GABRB3: variants seen among roughly 807,000 people sequenced by gnomAD.
GABRB3 encodes gamma-aminobutyric acid receptor subunit beta-3.
A neutral mutation model predicts 52.1 loss-of-function variants in GABRB3; 14 were observed. That is an observed-to-expected ratio of 0.27 (90% CI 0.18 to 0.42). The LOEUF (loss-of-function observed/expected upper bound fraction) is 0.42. Among genes scored for constraint, GABRB3 ranks in the 10% least tolerant of loss-of-function variants. The pLI, the probability that GABRB3 is intolerant of heterozygous loss-of-function variation, is 1.00. For synonymous variants in GABRB3, 260 were observed against 232.3 expected (o/e 1.12, Z -1.08); for missense variants, 307 against 609.1 (o/e 0.50, Z 5.22).
chr15:26,620,808 G>A (rs552594425), intron 4 of GABRB3, among the ~76,000 whole-genome samples: 60 of 152,270 alleles, frequency 3.9e-4, no homozygotes, highest in African/African-American at 1.4e-3. Flanking sequence ...ATTATATTAT[G>A]AGAGCTGGAG....
Position 26,548,129 on chromosome 15 carries a change from A to G in GABRB3, c.1086T>C (p.Asp362=), listed in dbSNP as rs1459884283. ...ATGTCAACAGAATATTTCCATGAGC[A>G]TCCACCTAATTGGACGGAAAATGCA... The part of the protein sequence containing the change: ...DRSKSESNRV[D]AHGNILLTSL... Residue 362 remains aspartate (D), a synonymous_variant, in exon 9 of 9, where the codon GAT becomes GAC. Coordinates refer to ENST00000311550, the MANE Select transcript of GABRB3 (RefSeq NM_000814.6). 1.2e-6 allele frequency: 2 copies of G among 1,613,890 alleles called. No individual in the cohort carries two copies. The highest frequency in any genetic ancestry group is 3.3e-5 in the Admixed American group (2 of 60,026).
intron 3 of GABRB3, among the ~76,000 whole-genome samples, chr15:26,632,097 CTCACTG>C (rs1481349300): frequency 1.2e-4 from 18 of 152,224 alleles, no homozygotes; most frequent in African/African-American, 4.1e-4. Flanking sequence ...GACAGGCGAC[CTCACTG>C]TCTTATGCCT....
At chr15:26,694,670 G>A (rs1295395514) in intron 3 of GABRB3, among the ~76,000 whole-genome samples, 1 of 152,106 alleles carries the variant, frequency 6.6e-6, no homozygotes, top group Non-Finnish European at 1.5e-5. Flanking sequence ...ATTACAAGAG[G>A]CTCTAAAAAG....
chr15:26,627,380 T>TTTATTTTTTTTTTTTTTG (rs1892746876), intron 3 of GABRB3, among the ~76,000 whole-genome samples: 1 of 111,758 alleles, frequency 8.9e-6, no homozygotes, highest in African/African-American at 3.8e-5. Flanking sequence ...TTTTATTATT[T>TTTATTTTTTTTTTTTTTG]AAGAAATACA....
intron 3 of GABRB3, among the ~76,000 whole-genome samples, chr15:26,762,183 A>T (rs1284083884): frequency 6.6e-6 from 1 of 152,212 alleles, no homozygotes; most frequent in Admixed American, 6.5e-5. Flanking sequence ...AAGGCTTAAT[A>T]CATACAAACC....
At chr15:26,592,727 G>T (rs1453857747) in intron 4 of GABRB3, among the ~76,000 whole-genome samples, 1 of 152,234 alleles carries the variant, frequency 6.6e-6, no homozygotes, top group South Asian at 2.1e-4. Context: ...GGGCACATAC[G>T]TTATTAAAGG....
At chr15:26,714,474 T>C in intron 3 of GABRB3, among the ~76,000 whole-genome samples, 1 of 152,138 alleles carries the variant, frequency 6.6e-6, no homozygotes, top group South Asian at 2.1e-4. Flanking sequence ...TCAATGTATG[T>C]AAGATGAGCA....
intron 3 of GABRB3, among the ~76,000 whole-genome samples, chr15:26,734,642 A>G (rs1381579934): frequency 6.7e-6 from 1 of 149,746 alleles, no homozygotes; most frequent in Non-Finnish European, 1.5e-5. Context: ...GAGTCTCAAA[A>G]AAAAAAAAAA....
intron 3 of GABRB3, among the ~76,000 whole-genome samples, chr15:26,646,029 A>G (rs1242246184): frequency 6.6e-6 from 1 of 152,222 alleles, no homozygotes; most frequent in Non-Finnish European, 1.5e-5. Flanking sequence ...TTTACCAAAT[A>G]ATGGGACCTA....
rs370744773 is a variant in GABRB3, at chr15:26,724,804, C to A, written c.240+47598G>T. Among the ~76,000 whole-genome samples, 11 of 152,290 alleles carry A rather than the reference C, an allele frequency of 7.2e-5. No homozygotes were observed. In the East Asian group the frequency reaches 1.9e-3, roughly 27 times the overall value. ...TGTATTAAATATGCATATTTAGCCA[C>A]CCCAGTCTGCATAAATTCTTGTTCC... On this transcript the variant is annotated intron_variant, in intron 3 of 8. Coordinates refer to ENST00000311550, the MANE Select transcript of GABRB3 (RefSeq NM_000814.6).
At chr15:26,652,161 C>CT (rs770277177) in intron 3 of GABRB3, among the ~76,000 whole-genome samples, 2 of 152,206 alleles carry the variant, frequency 1.3e-5, no homozygotes, top group Non-Finnish European at 2.9e-5. Flanking sequence ...TAGATAATAG[C>CT]TTAACTCTCA....
At chr15:26,618,022 A>G (rs1197200222) in intron 4 of GABRB3, among the ~76,000 whole-genome samples, 1 of 152,214 alleles carries the variant, frequency 6.6e-6, no homozygotes, top group Non-Finnish European at 1.5e-5. Context: ...AAGAGGATAC[A>G]AAGAAATGGA....
At chr15:26,559,507 TA>T (rs11333500) in intron 8 of GABRB3, among the ~76,000 whole-genome samples, 59,627 of 150,496 alleles carry the variant, frequency 0.4, 12,852 homozygotes, top group Non-Finnish European at 0.5. Context: ...CAAGAAGAAT[TA>T]AAAAAAAAAT....
intron 8 of GABRB3, among the ~76,000 whole-genome samples, chr15:26,554,190 A>AAAGAGTATAT (rs1567097853): frequency 9.5e-5 from 3 of 31,530 alleles, no homozygotes; most frequent in African/African-American, 1.7e-4. Context: ...ATATATATAT[A>AAAGAGTATAT]CTATATATAT....
intron 3 of GABRB3, among the ~76,000 whole-genome samples, chr15:26,744,804 G>A (rs909961238): frequency 2.5e-5 from 3 of 120,260 alleles, no homozygotes; most frequent in African/African-American, 7.5e-5. Context: ...CAATTTTCAA[G>A]TTATATCCTC....
intron 4 of GABRB3, among the ~76,000 whole-genome samples, chr15:26,601,959 T>C (rs896126968): frequency 1.3e-5 from 2 of 152,048 alleles, no homozygotes; most frequent in African/African-American, 4.8e-5. Flanking sequence ...TCAAAATACA[T>C]AGAGTGGCTG....
intron 4 of GABRB3, chr15:26,615,378 G>C: frequency 1.0e-6 from 1 of 985,536 alleles, no homozygotes; most frequent in Non-Finnish European, 1.2e-6. Flanking sequence ...CTGACAAGCT[G>C]GTGCAGGGAT....
intron 3 of GABRB3, among the ~76,000 whole-genome samples, chr15:26,635,056 A>G (rs1893020527): frequency 7.1e-6 from 1 of 140,642 alleles, no homozygotes; most frequent in African/African-American, 2.6e-5. Flanking sequence ...TTATATGTTG[A>G]AACATATGTG....
chr15:26,694,927 G>A (rs1261554031), intron 3 of GABRB3, among the ~76,000 whole-genome samples: 1 of 152,130 alleles, frequency 6.6e-6, no homozygotes, highest in Non-Finnish European at 1.5e-5. Context: ...GAATGCCTTT[G>A]ATGGGCCCAT....
Sources: allele counts gnomAD v4.1 joint callset (sites outside exome capture counted in the v4.1 genomes callset), GRCh38; gene constraint gnomAD v4.1.1; transcripts MANE v1.5; gene names NCBI Gene and HGNC (gene_info 2026-07-23, HGNC 2026-07-21).